The following SLC5A4 variants were observed in gnomAD, a reference collection of about 807,000 sequenced individuals.
SLC5A4 encodes probable glucose sensor protein SLC5A4.
In SLC5A4, 55 loss-of-function variants were observed where a neutral mutation model predicts 70.3. That is an observed-to-expected ratio of 0.78 (90% CI 0.63 to 0.98). The LOEUF (loss-of-function observed/expected upper bound fraction) is 0.98. Ranked by LOEUF, SLC5A4 falls within the 50% of genes least tolerant of loss-of-function variation. The probability of loss-of-function intolerance (pLI) is 0.00; values close to 1 mark genes in which losing one functional copy is unlikely to be tolerated. For synonymous variants in SLC5A4, 268 were observed against 305.7 expected, an observed-to-expected ratio of 0.88 and a Z score of 1.29; for missense variants, 735 against 839.2, an observed-to-expected ratio of 0.88 and a Z score of 1.53.
At chr22:32,301,126 CTAATTTTTG>C in the SLC5A4 span, among the ~76,000 whole-genome samples, 2 of 152,120 alleles carry the variant, frequency 1.3e-5, no homozygotes. Context: ...CTGCGCCCGG[CTAATTTTTG>C]TATTTTTAGT....
chr22:32,314,990 T>C, the SLC5A4 span, among the ~76,000 whole-genome samples: 2 of 152,180 alleles, frequency 1.3e-5, no homozygotes, highest in Admixed American at 1.3e-4. Context: ...AAGATGAGCT[T>C]TGGGTACAGC....
the SLC5A4 span, among the ~76,000 whole-genome samples, chr22:32,346,546 G>A: frequency 1.4e-5 from 2 of 147,664 alleles, no homozygotes; most frequent in South Asian, 2.2e-4. Context: ...CAGAAATAAC[G>A]CCACATATCT....
At chr22:32,351,810 CTGT>C in the SLC5A4 span, among the ~76,000 whole-genome samples, 13 of 145,740 alleles carry the variant, frequency 8.9e-5, no homozygotes, top group Admixed American at 7.8e-4. Flanking sequence ...CAGTTTTGGA[CTGT>C]TGTTTGTTAA....
chr22:32,351,518 A>G, the SLC5A4 span, among the ~76,000 whole-genome samples: 5 of 151,426 alleles, frequency 3.3e-5, no homozygotes, highest in African/African-American at 1.2e-4. Context: ...CCTGGCCAAC[A>G]TGGCGAAACC....
At chr22:32,329,323 T>G in the SLC5A4 span, among the ~76,000 whole-genome samples, 1 of 152,198 alleles carries the variant, frequency 6.6e-6, no homozygotes, top group Non-Finnish European at 1.5e-5. Context: ...TGTGAGGACA[T>G]GAGACACTGC....
chr22:32,283,274 C>T, the SLC5A4 span, among the ~76,000 whole-genome samples: 1 of 152,234 alleles, frequency 6.6e-6, no homozygotes, highest in Non-Finnish European at 1.5e-5. Flanking sequence ...CTCAGATGCT[C>T]TTGTCTCAGA....
At chr22:32,339,145 G>A in the SLC5A4 span, among the ~76,000 whole-genome samples, 3 of 152,166 alleles carry the variant, frequency 2.0e-5, no homozygotes, top group Non-Finnish European at 4.4e-5. Context: ...CATTAGAGAC[G>A]CGCAAAAGCA....
chr22:32,245,059 A>G (rs570274124), intron 5 of SLC5A4, among the ~76,000 whole-genome samples: 5 of 152,336 alleles, frequency 3.3e-5, no homozygotes, highest in African/African-American at 1.2e-4. Context: ...AATAGTTTAT[A>G]TCAAATCTCA....
the SLC5A4 span, among the ~76,000 whole-genome samples, chr22:32,340,966 C>T: frequency 6.6e-6 from 1 of 152,108 alleles, no homozygotes. Context: ...GGGCTGGTCT[C>T]AGTGGAGGGG....
upstream of SLC5A4, among the ~76,000 whole-genome samples, chr22:32,257,659 CT>C (rs58908133): frequency 4.1e-4 from 58 of 141,960 alleles, no homozygotes; most frequent in Admixed American, 7.0e-4. Flanking sequence ...GCAAGGTTTT[CT>C]TTTTTTTTTA....
chr22:32,311,490 G>A, the SLC5A4 span, among the ~76,000 whole-genome samples: 1 of 152,204 alleles, frequency 6.6e-6, no homozygotes, highest in Non-Finnish European at 1.5e-5. Context: ...CATCTCATAG[G>A]TGCCCCGGGG....
At chr22:32,236,932 C>T (rs912912084) in intron 7 of SLC5A4, among the ~76,000 whole-genome samples, 3 of 152,076 alleles carry the variant, frequency 2.0e-5, no homozygotes, top group Non-Finnish European at 4.4e-5. Context: ...CCTCGATCTC[C>T]TGACCTCGTG....
At chr22:32,354,365 G>A in the SLC5A4 span, among the ~76,000 whole-genome samples, 14 of 151,182 alleles carry the variant, frequency 9.3e-5, no homozygotes, top group Admixed American at 7.2e-4. Flanking sequence ...TGCAGCCCCA[G>A]ATAGTGCTGC....
the SLC5A4 span, among the ~76,000 whole-genome samples, chr22:32,308,490 A>C: frequency 6.6e-6 from 1 of 152,156 alleles, no homozygotes; most frequent in Non-Finnish European, 1.5e-5. Flanking sequence ...AGCCACACCC[A>C]CAGCCCTAGT....
chr22:32,246,061 C>T (rs1377379964), intron 5 of SLC5A4, among the ~76,000 whole-genome samples: 1 of 152,250 alleles, frequency 6.6e-6, no homozygotes, highest in Non-Finnish European at 1.5e-5. Flanking sequence ...GTGCACGGCA[C>T]ATTTTCTGTA....
chr22:32,251,727 A>G (rs1316045573), intron 3 of SLC5A4, 43 bp downstream of exon 3: 1 of 1,134,530 alleles, frequency 8.8e-7, no homozygotes, highest in East Asian at 2.3e-5. Flanking sequence ...AAGACACTGG[A>G]TATGGTTTTG....
At chr22:32,293,528 T>C in the SLC5A4 span, among the ~76,000 whole-genome samples, 2 of 152,142 alleles carry the variant, frequency 1.3e-5, no homozygotes, top group Non-Finnish European at 2.9e-5. Context: ...TTGGTATTCC[T>C]GGACAATCCA....
chr22:32,224,902 TGAG>T (rs1440138429), intron 12 of SLC5A4, among the ~76,000 whole-genome samples: 3 of 152,238 alleles, frequency 2.0e-5, no homozygotes, highest in African/African-American at 7.2e-5. Context: ...TTTATTTCTG[TGAG>T]GAGTTGATGG....
At chr22:32,337,808 T>C in the SLC5A4 span, among the ~76,000 whole-genome samples, 1 of 152,084 alleles carries the variant, frequency 6.6e-6, no homozygotes. Context: ...TTAATAAATT[T>C]CCACCATACA....
Sources: gnomAD v4.1 joint callset for allele counts (sites outside exome capture counted in the v4.1 genomes callset) on GRCh38, gnomAD v4.1.1 for gene constraint, MANE v1.5 for transcripts, NCBI Gene and HGNC (gene_info 2026-07-23, HGNC 2026-07-21) for gene names.